The following TTC7B variants were observed in gnomAD, a reference collection of about 807,000 sequenced individuals.
TTC7B encodes the protein tetratricopeptide repeat protein 7B.
Under a neutral mutation model 106.8 loss-of-function variants are expected in TTC7B, and 28 were observed. The observed-to-expected ratio is 0.26, with a 90% CI of 0.19 to 0.36. The LOEUF (loss-of-function observed/expected upper bound fraction) is 0.36. TTC7B is among the 10% of genes least tolerant of loss of function. The probability of loss-of-function intolerance (pLI) is 1.00; values close to 1 mark genes in which losing one functional copy is unlikely to be tolerated. For missense variants in TTC7B, 862 were observed against 1,076.4 expected (o/e 0.80, Z 2.79); for synonymous variants, 405 against 430.6 (o/e 0.94, Z 0.74).
chr14:90,609,056 A>T (rs868497157), intron 17 of TTC7B, among the ~76,000 whole-genome samples: 2 of 152,206 alleles, frequency 1.3e-5, no homozygotes, highest in Admixed American at 6.5e-5. Flanking sequence ...TGCAGTGGCT[A>T]GTCCTGACAG....
At chr14:90,635,946 C>G (rs1230269682) in intron 15 of TTC7B, among the ~76,000 whole-genome samples, 1 of 151,346 alleles carries the variant, frequency 6.6e-6, no homozygotes, top group African/African-American at 2.4e-5. Flanking sequence ...ATGGTGAAAC[C>G]CCGTCTCTAC....
At chr14:90,782,754 G>C (rs542413733) in intron 2 of TTC7B, among the ~76,000 whole-genome samples, 1 of 152,316 alleles carries the variant, frequency 6.6e-6, no homozygotes, top group African/African-American at 2.4e-5. Context: ...CGAATTGAAA[G>C]AGGAGGGGGA....
chr14:90,782,385 C>T lies in TTC7B; in HGVS notation c.277-1479G>A, dbSNP rs137950132. On this transcript the variant is annotated intron_variant, in intron 2 of 19. Coordinates refer to ENST00000328459, the MANE Select transcript of TTC7B (RefSeq NM_001010854.2). ...AGGCCGAGGCAGGCAGATCACTTGA[C>T]GCCAGAAGTTCGTGACCAGCCTGGC... Among the ~76,000 whole-genome samples, 64 of 152,182 alleles carry T rather than the reference C, an allele frequency of 4.2e-4. No homozygotes were observed. The East Asian group carries it at 8.1e-3, about 19-fold the overall frequency.
chr14:90,542,717 A>G (rs1889657692), intron 19 of TTC7B, among the ~76,000 whole-genome samples: 1 of 149,464 alleles, frequency 6.7e-6, no homozygotes, highest in South Asian at 2.2e-4. Context: ...TAAACAGACA[A>G]AAAGGAACAA....
chr14:90,666,351 G>A (rs57488650), intron 9 of TTC7B, among the ~76,000 whole-genome samples: 2,977 of 152,248 alleles, frequency 0.02, 84 homozygotes, highest in African/African-American at 0.068. Context: ...AGTAGAGACA[G>A]GGTTTCACTA....
At chr14:90,777,877 C>T (rs947187113) in intron 3 of TTC7B, among the ~76,000 whole-genome samples, 3 of 152,218 alleles carry the variant, frequency 2.0e-5, no homozygotes, top group Non-Finnish European at 2.9e-5. Flanking sequence ...CTGACATTTA[C>T]GTTGCGCTCA....
chr14:90,652,375 A>AGGTG lies in TTC7B; in HGVS notation c.1517+462_1517+465dup, dbSNP rs201229582. Among the ~76,000 whole-genome samples, 725 of 146,612 alleles carry AGGTG rather than the reference A, an allele frequency of 4.9e-3. 8 individuals are homozygous for AGGTG. The highest frequency in any genetic ancestry group is 0.016 in the African/African-American group (649 of 39,598). On this transcript the variant is annotated intron_variant, in intron 13 of 19. Transcript: ENST00000328459. ...GAGAAGCACAAGGTGTTATGGAACA[A>AGGTG]GGTGGGGGCGGGGAGTTTGGGGCTG...
At chr14:90,752,460 G>A (rs937963530) in intron 3 of TTC7B, among the ~76,000 whole-genome samples, 3 of 152,242 alleles carry the variant, frequency 2.0e-5, no homozygotes, top group Admixed American at 6.5e-5. Context: ...GGCTGAGGAC[G>A]TGGAGAAAGC....
intron 7 of TTC7B, among the ~76,000 whole-genome samples, chr14:90,681,167 GAAT>G (rs1712879304): frequency 6.6e-6 from 1 of 152,130 alleles, no homozygotes; most frequent in Non-Finnish European, 1.5e-5. Flanking sequence ...CAGGATTAGA[GAAT>G]AATAAAAAGT....
At chr14:90,772,696 G>C (rs1890903489) in intron 3 of TTC7B, 1 of 152,220 alleles carries the variant, frequency 6.6e-6, no homozygotes, top group Admixed American at 6.5e-5. Flanking sequence ...ATAAAGCCGG[G>C]TGCAGTGGCT....
At chr14:90,733,241 T>C (rs1052586819) in intron 4 of TTC7B, among the ~76,000 whole-genome samples, 1 of 151,360 alleles carries the variant, frequency 6.6e-6, no homozygotes, top group Non-Finnish European at 1.5e-5. Context: ...TACACACCAT[T>C]GTCCTCTCTT....
chr14:90,734,576 CT>C (rs1268737291), intron 4 of TTC7B, among the ~76,000 whole-genome samples: 3 of 152,078 alleles, frequency 2.0e-5, no homozygotes, highest in Non-Finnish European at 4.4e-5. Context: ...AAACACCATC[CT>C]TGCCATCCTC....
intron 3 of TTC7B, among the ~76,000 whole-genome samples, chr14:90,755,083 C>T (rs1049659805): frequency 6.6e-6 from 1 of 152,166 alleles, no homozygotes; most frequent in African/African-American, 2.4e-5. Flanking sequence ...TATACGGATA[C>T]ACCACTTTCT....
chr14:90,760,076 CT>C (rs1235754470), intron 3 of TTC7B, among the ~76,000 whole-genome samples: 21 of 152,194 alleles, frequency 1.4e-4, no homozygotes, highest in Non-Finnish European at 3.1e-4. Context: ...ATGGTACTAG[CT>C]ATAAATAGAG....
Position 90,680,457 on chromosome 14 carries a change from A to C in TTC7B, c.1014+15T>G. On this transcript the variant is annotated intron_variant, in intron 8 of 19. Coordinates refer to ENST00000328459, the MANE Select transcript of TTC7B (RefSeq NM_001010854.2). ...GGCCAGGGGAAAGAACGATGTAAAA[A>C]CACATTCCACTTACCATTGATTCAC... 1 of 1,609,700 alleles carries C rather than the reference A, an allele frequency of 6.2e-7. No homozygotes were observed. Among genetic ancestry groups the C allele is most frequent in the South Asian group, 1.1e-5 (1 of 90,974 alleles).
intron 5 of TTC7B, among the ~76,000 whole-genome samples, chr14:90,727,847 A>C (rs1889168077): frequency 6.6e-6 from 1 of 152,248 alleles, no homozygotes; most frequent in Non-Finnish European, 1.5e-5. Flanking sequence ...GCAGAAGAGC[A>C]AAAGGAGTGA....
At chr14:90,811,204 T>A (rs568728664) in intron 1 of TTC7B, among the ~76,000 whole-genome samples, 1 of 152,292 alleles carries the variant, frequency 6.6e-6, no homozygotes, top group East Asian at 1.9e-4. Context: ...GCCACAAAGG[T>A]GTGGTCTTCT....
chr14:90,682,606 T>C (rs80327593), intron 7 of TTC7B, among the ~76,000 whole-genome samples: 2,916 of 152,250 alleles, frequency 0.019, 98 homozygotes, highest in African/African-American at 0.066. Flanking sequence ...CTTCTCCTCT[T>C]TGGGGCCCAC....
chr14:90,751,331 C>T (rs1890128226), intron 3 of TTC7B, among the ~76,000 whole-genome samples: 2 of 152,200 alleles, frequency 1.3e-5, no homozygotes, highest in Non-Finnish European at 1.5e-5. Context: ...TATCTCCCTG[C>T]CACACAAGAG....
Sources: gnomAD v4.1 joint callset for allele counts (sites outside exome capture counted in the v4.1 genomes callset) on GRCh38, gnomAD v4.1.1 for gene constraint, MANE v1.5 for transcripts, NCBI Gene and HGNC (gene_info 2026-07-23, HGNC 2026-07-21) for gene names.